The following CCDC102B variants were observed in gnomAD, a reference collection of about 807,000 sequenced individuals.
The protein encoded by CCDC102B is coiled-coil domain containing 102B, also known as coiled-coil domain-containing protein 102B.
CCDC102B carries 75 observed loss-of-function variants against 57.4 expected under a neutral mutation model. The ratio of observed to expected loss-of-function variants is 1.31; its 90% CI spans 1.08 to 1.58. CCDC102B has a LOEUF of 1.58. Ranked by LOEUF, CCDC102B falls within the 40% of genes most tolerant of loss-of-function variation. The pLI is 0.00. For synonymous variants in CCDC102B, 206 were observed against 201.9 expected (o/e 1.02, Z -0.17); for missense variants, 636 against 582.6 (o/e 1.09, Z -0.94).
At chr18:68,892,445 G>A (rs2040112374) in intron 5 of CCDC102B, among the ~76,000 whole-genome samples, 1 of 152,044 alleles carries the variant, frequency 6.6e-6, no homozygotes, top group Admixed American at 6.6e-5. Context: ...CTCCCACATG[G>A]TCTCCAGAGA....
chr18:68,851,891 AT>A (rs1169836224), intron 4 of CCDC102B, among the ~76,000 whole-genome samples: 1 of 152,128 alleles, frequency 6.6e-6, no homozygotes, highest in Non-Finnish European at 1.5e-5. Flanking sequence ...AAATATCTTT[AT>A]TTTATATTTC....
chr18:68,988,502 C>T (rs2050780402), intron 6 of CCDC102B, among the ~76,000 whole-genome samples: 1 of 149,118 alleles, frequency 6.7e-6, no homozygotes, highest in African/African-American at 2.5e-5. Flanking sequence ...GCAATATTTC[C>T]ATGTAATAAA....
intron 6 of CCDC102B, among the ~76,000 whole-genome samples, chr18:68,920,844 T>C (rs1385128973): frequency 6.6e-6 from 1 of 152,104 alleles, no homozygotes; most frequent in Non-Finnish European, 1.5e-5. Flanking sequence ...GTTCTCCCTT[T>C]TGGCACGTGG....
intron 2 of CCDC102B, among the ~76,000 whole-genome samples, chr18:68,718,443 C>G (rs983083667): frequency 3.3e-5 from 5 of 152,140 alleles, no homozygotes; most frequent in African/African-American, 1.2e-4. Context: ...ATTTTATTTA[C>G]GTAAGCTCAA....
At chr18:68,747,849 A>G (rs146005038) in intron 2 of CCDC102B, among the ~76,000 whole-genome samples, 1 of 152,186 alleles carries the variant, frequency 6.6e-6, no homozygotes, top group African/African-American at 2.4e-5. Flanking sequence ...TCTCTTTGAG[A>G]TCTTCATTTT....
chr18:68,804,529 A>T (rs2035965792), intron 1 of CCDC102B, among the ~76,000 whole-genome samples: 1 of 152,152 alleles, frequency 6.6e-6, no homozygotes, highest in Non-Finnish European at 1.5e-5. Flanking sequence ...TTGCAGTCAG[A>T]GGTGTGAAGC....
intron 6 of CCDC102B, among the ~76,000 whole-genome samples, chr18:68,946,779 A>C (rs997764059): frequency 1.3e-5 from 2 of 152,038 alleles, no homozygotes; most frequent in Non-Finnish European, 2.9e-5. Flanking sequence ...TGGTTTCTTC[A>C]AAATAATTTA....
chr18:68,997,791 C>T (rs1314967236), intron 6 of CCDC102B, among the ~76,000 whole-genome samples: 4 of 151,666 alleles, frequency 2.6e-5, no homozygotes, highest in South Asian at 2.1e-4. Flanking sequence ...ATGTTCTCAC[C>T]GTTTCCTATT....
chr18:68,812,821 C>T (rs1309924182), intron 1 of CCDC102B, among the ~76,000 whole-genome samples: 1 of 152,130 alleles, frequency 6.6e-6, no homozygotes, highest in Non-Finnish European at 1.5e-5. Flanking sequence ...TGAGTACTGA[C>T]ATCCTAGGGA....
At chr18:68,796,795 G>A (rs1238787923), upstream of CCDC102B, among the ~76,000 whole-genome samples, 2 of 150,786 alleles carry the variant, frequency 1.3e-5, no homozygotes, top group Non-Finnish European at 3.0e-5. Context: ...TAGAAGGATT[G>A]AGGTGAGTTA....
intron 4 of CCDC102B, among the ~76,000 whole-genome samples, chr18:68,852,486 T>A (rs936483080): frequency 6.6e-6 from 1 of 152,190 alleles, no homozygotes; most frequent in African/African-American, 2.4e-5. Flanking sequence ...TCTACATTAC[T>A]TATAATTCCT....
At chr18:69,051,485 G>T (rs2052703990) in intron 7 of CCDC102B, among the ~76,000 whole-genome samples, 1 of 151,926 alleles carries the variant, frequency 6.6e-6, no homozygotes, top group Non-Finnish European at 1.5e-5. Flanking sequence ...TAGAGTTAAT[G>T]AAACTCCAGG....
chr18:68,939,801 C>T (rs1481214212), intron 6 of CCDC102B, among the ~76,000 whole-genome samples: 4 of 151,670 alleles, frequency 2.6e-5, no homozygotes, highest in African/African-American at 9.7e-5. Context: ...TACCACAATC[C>T]ACTCAACATG....
intron 2 of CCDC102B, among the ~76,000 whole-genome samples, chr18:68,748,242 G>T (rs1460323272): frequency 6.7e-6 from 1 of 148,308 alleles, no homozygotes; most frequent in Non-Finnish European, 1.5e-5. Context: ...GTGTGTGTGT[G>T]TGTGTGTGTG....
chr18:68,774,990 T>C (rs2144621134), intron 2 of CCDC102B, among the ~76,000 whole-genome samples: 1 of 151,364 alleles, frequency 6.6e-6, no homozygotes, highest in East Asian at 1.9e-4. Flanking sequence ...CATATTTGTA[T>C]ATGTACACAT....
chr18:68,772,005 C>T (rs999540887), intron 2 of CCDC102B, among the ~76,000 whole-genome samples: 2 of 152,004 alleles, frequency 1.3e-5, no homozygotes, highest in Non-Finnish European at 2.9e-5. Context: ...ATTATTGTTT[C>T]ACCATGCACT....
intron 5 of CCDC102B, among the ~76,000 whole-genome samples, chr18:68,889,459 G>A (rs1009149073): frequency 6.6e-5 from 10 of 152,112 alleles, no homozygotes; most frequent in African/African-American, 2.4e-4. Context: ...CGCTCTTGTT[G>A]TCCAGGCTGG....
At chr18:68,918,751 T>C (rs939862291) in intron 6 of CCDC102B, among the ~76,000 whole-genome samples, 1 of 152,128 alleles carries the variant, frequency 6.6e-6, no homozygotes, top group Non-Finnish European at 1.5e-5. Context: ...TTTAAGAAAA[T>C]TGGAATTCCA....
intron 5 of CCDC102B, among the ~76,000 whole-genome samples, chr18:68,877,496 C>T (rs1014438085): frequency 3.3e-5 from 5 of 152,180 alleles, no homozygotes; most frequent in Admixed American, 6.5e-5. Flanking sequence ...CTGTTTACTG[C>T]GTCCCATGAG....
Sources: allele counts gnomAD v4.1 joint callset (sites outside exome capture counted in the v4.1 genomes callset), GRCh38; gene constraint gnomAD v4.1.1; transcripts MANE v1.5; gene names NCBI Gene and HGNC (gene_info 2026-07-23, HGNC 2026-07-21).